Variants in ZNF74 observed in about 807,000 individuals in gnomAD.
ZNF74 encodes the protein zinc finger protein 74.
In ZNF74, 12 loss-of-function variants were observed where a neutral mutation model predicts 17.7. That is an observed-to-expected ratio of 0.68 (90% confidence interval 0.43 to 1.10). The LOEUF is 1.10. Ranked by LOEUF, ZNF74 falls within the 50% of genes least tolerant of loss-of-function variation. The pLI is 0.00. For missense variants in ZNF74, 811 were observed against 881.0 expected (o/e 0.92, Z 1.01); for synonymous variants, 358 against 362.1 (o/e 0.99, Z 0.13).
chr22:20,401,027 T>C lies in ZNF74; in HGVS notation c.248-250T>C. On this transcript the variant is annotated intron_variant, in intron 3 of 4. Coordinates refer to ENST00000400451, the MANE Select transcript of ZNF74 (RefSeq NM_003426.4). The surrounding 1 kb of genome is among the most constrained non-coding windows in gnomAD (Gnocchi z 4.2). ...GAGAGAAGAGAAGAAGGTGGGACCC[T>C]GGAGCCCAGCTGGCTCTGGAACAGT... 1 of 594,064 alleles carries C rather than the reference T, an allele frequency of 1.7e-6. No individual in the cohort carries two copies. The highest frequency in any genetic ancestry group is 3.0e-6 in the Non-Finnish European group (1 of 335,396). The allele number at this position is 594,064 out of a possible 1,614,324, so 36.8% of individuals were successfully genotyped here.
At chr22:20,400,882 C>CACAGGCCTTGCTT in intron 3 of ZNF74, 124 bp downstream of exon 3, 1 of 1,266,964 alleles carries the variant, frequency 7.9e-7, no homozygotes, top group Non-Finnish European at 1.1e-6. Context: ...GGAAGCAAGG[C>CACAGGCCTTGCTT]CTGTGCCTTG....
chr22:20,398,910 GATGTATT>G lies in ZNF74; in HGVS notation c.121-1721_121-1715del, dbSNP rs1569091895. ...CAAAATAGCTTCTAATTTCCCTAGT[GATGTATT>G]CTTCAGCCATATGTTATTTCAGAAT... On this transcript the variant is annotated intron_variant, in intron 2 of 4. Transcript: ENST00000400451. Among the ~76,000 whole-genome samples the G allele has an allele frequency of 1.8e-3, 266 of 151,942 alleles. 1 individual carries two copies. The highest frequency in any genetic ancestry group is 6.1e-3 in the African/African-American group (254 of 41,408).
chr22:20,404,671 A>T (rs2146099944), intron 4 of ZNF74, among the ~76,000 whole-genome samples: 1 of 152,252 alleles, frequency 6.6e-6, no homozygotes, highest in Non-Finnish European at 1.5e-5. Flanking sequence ...CGACTCTTGG[A>T]CTAGGCTCAT....
intron 4 of ZNF74, 82 bp from the exon 5 acceptor site, chr22:20,405,295 G>A: frequency 7.0e-7 from 1 of 1,429,012 alleles, no homozygotes; most frequent in Non-Finnish European, 9.5e-7. Flanking sequence ...GGGCTTATCT[G>A]CATCTCCAGG....
At position 20,394,600 on chromosome 22, in the gene ZNF74, C is replaced by T. The variant is rs374393810; in HGVS notation, c.-29C>T. Reference sequence around the variant, plus strand: ...ATCCTGGAGGCTACACAGCTGCCCACTCCTCCTGGGGAGGCTGCCGTGGAG... The same window carrying T: ...ATCCTGGAGGCTACACAGCTGCCCATTCCTCCTGGGGAGGCTGCCGTGGAG... On this transcript the variant is annotated 5_prime_UTR_variant, in exon 1 of 5. Transcript: ENST00000400451. 3.3e-5 allele frequency: 54 copies of T among 1,613,752 alleles called. No homozygotes were observed. Among genetic ancestry groups the T allele is most frequent in the Middle Eastern group, 1.6e-4 (1 of 6,082 alleles).
chr22:20,406,886 C>T lies in ZNF74; in HGVS notation c.1853C>T (p.Ala618Val), dbSNP rs756807123. The change falls in exon 5 of 5, where the codon GCG (alanine) becomes GTG (valine). Residue 618 changes from alanine (A) to valine (V), a missense_variant. Physicochemically the swap from Ala to Val is moderately conservative, Grantham distance 64. Transcript: ENST00000400451. ...AGLRDVDPIDALDVAKLLCVV... is the reference protein window; with the variant it reads ...AGLRDVDPIDVLDVAKLLCVV... ...CTGAGGGACGTGGATCCCATCGACG[C>T]GCTGGATGTGGCAAAGCTCTTGTGC... 9 of 1,613,924 alleles carry T rather than the reference C, an allele frequency of 5.6e-6. No individual in the cohort carries two copies. Among genetic ancestry groups the T allele is most frequent in the African/African-American group, 2.7e-5 (2 of 74,914 alleles).
chr22:20,403,398 C>A (rs1041336814), intron 4 of ZNF74, among the ~76,000 whole-genome samples: 4 of 151,788 alleles, frequency 2.6e-5, no homozygotes, highest in African/African-American at 9.7e-5. Flanking sequence ...TCCTCTCCCC[C>A]ATTTCCTCTC....
intron 2 of ZNF74, among the ~76,000 whole-genome samples, chr22:20,398,800 A>G (rs1208449357): frequency 7.3e-6 from 1 of 136,430 alleles, no homozygotes; most frequent in East Asian, 2.3e-4. Flanking sequence ...TTCCTCATAT[A>G]GCATTCAGCG....
Position 20,401,018 on chromosome 22 carries a change from G to T in ZNF74, c.248-259G>T. 4 of 596,134 alleles carry T rather than the reference G, an allele frequency of 6.7e-6. No homozygotes were observed. Among genetic ancestry groups the T allele is most frequent in the South Asian group, 4.1e-5 (2 of 48,512 alleles). 36.9% of individuals were successfully genotyped at this position (596,134 alleles called of 1,614,324 possible). On this transcript the variant is annotated intron_variant, in intron 3 of 4. Coordinates refer to ENST00000400451, the MANE Select transcript of ZNF74 (RefSeq NM_003426.4). This position sits in a 1 kb window ranked among gnomAD's most constrained non-coding sequence, Gnocchi z 4.2. The stretch of plus-strand genomic sequence containing the variant: ...AGGGGCAGGGAGAGAAGAGAAGAAG[G>T]TGGGACCCTGGAGCCCAGCTGGCTC...
At chr22:20,395,071 C>G (rs1370691751) in intron 1 of ZNF74, 5 of 460,814 alleles carry the variant, frequency 1.1e-5, no homozygotes, top group Non-Finnish European at 1.9e-5. Context: ...CTTTCTTCCC[C>G]GCGCCCAATC....
In ZNF74 at chr22:20,404,060, C is replaced by G. The variant is rs568669865; in HGVS notation, c.344-1317C>G. On this transcript the variant is annotated intron_variant, in intron 4 of 4. Coordinates refer to ENST00000400451, the MANE Select transcript of ZNF74 (RefSeq NM_003426.4). ...CTTCTGCATGTGTTGGGGCCACAGG[C>G]AGCACCACCATGCAGCTCTGCCCGC... 1.6e-3 allele frequency among the ~76,000 whole-genome samples: 239 copies of G among 152,346 alleles called. 2 individuals carry two copies. Among genetic ancestry groups the G allele is most frequent in the African/African-American group, 5.6e-3 (231 of 41,586 alleles).
rs1035041685 is a variant in ZNF74 at position 20,395,494 on chromosome 22, T to G, written c.120+76T>G. 3.4e-6 allele frequency: 4 copies of G among 1,165,122 alleles called. No homozygotes were observed. The African/African-American group carries it at 6.1e-5, about 18-fold the overall frequency. 72.2% of individuals were successfully genotyped at this position (1,165,122 alleles called of 1,614,324 possible). A position where few individuals can be genotyped will look rare whatever the true frequency, so the allele number is the denominator to read the frequency against. ...CTCCCCAGCCCTGGATCGTCAGCCT[T>G]CCACAGACCTTCACCCGGGTACCTG... is the stretch of plus-strand genomic sequence containing the variant. On this transcript the variant is annotated intron_variant, in intron 2 of 4. Transcript: ENST00000400451.
At position 20,406,703 on chromosome 22, in the gene ZNF74, A is replaced by G. The variant is rs2052434934; in HGVS notation, c.1670A>G (p.Lys557Arg). 6.2e-7 allele frequency: 1 copy of G among 1,614,088 alleles called. No homozygotes were observed. Among genetic ancestry groups the G allele is most frequent in the Non-Finnish European group, 8.5e-7 (1 of 1,180,046 alleles). ...ATCCACTCCGGGGAGAAGTCGTTTA[A>G]GTGTGAGAAATGTGGGGAGATGTTC... ...QKIHSGEKSF[K>R]CEKCGEMFNW... The change falls in exon 5 of 5, where the codon AAG becomes AGG. Residue 557 changes from lysine to arginine, a missense_variant. Coordinates refer to ENST00000400451, the MANE Select transcript of ZNF74 (RefSeq NM_003426.4).
rs752659692 is a variant in ZNF74, at chr22:20,405,881, A to G, written c.848A>G (p.Lys283Arg). The G allele has an allele frequency of 6.2e-7, 1 of 1,613,824 alleles. No individual in the cohort carries two copies. Among genetic ancestry groups the G allele is most frequent in the Non-Finnish European group, 8.5e-7 (1 of 1,179,926 alleles). Residue 283 changes from lysine (K) to arginine (R), a missense_variant, in exon 5 of 5, where the codon AAG (lysine) becomes AGG (arginine). Physicochemically the swap from Lys to Arg is conservative, Grantham distance 26 (BLOSUM62 2). This residue lies in a region of ZNF74 where 666 missense variants were observed against 702.3 expected (regional missense o/e 0.95). Coordinates refer to ENST00000400451, the MANE Select transcript of ZNF74 (RefSeq NM_003426.4). ...GCTTACAAGTGCGATGAATGCGGCA[A>G]GGCCTTCACCTGGAGCACCAACCTT... ...EKAYKCDECGKAFTWSTNLLE... is the reference protein window; with the variant it reads ...EKAYKCDECGRAFTWSTNLLE...
At chr22:20,400,090 G>A (rs1001896663) in intron 2 of ZNF74, 3 of 160,460 alleles carry the variant, frequency 1.9e-5, no homozygotes, top group African/African-American at 7.2e-5. Flanking sequence ...TTGGAAGGCA[G>A]TCAGGTGAGG....
chr22:20,402,176 C>T (rs1026629615), intron 4 of ZNF74, among the ~76,000 whole-genome samples: 1 of 152,160 alleles, frequency 6.6e-6, no homozygotes, highest in African/African-American at 2.4e-5. Flanking sequence ...CTGTGGAGCA[C>T]AGAACACGGG....
chr22:20,407,039 G>C lies in ZNF74; in HGVS notation c.*71G>C. The C allele has an allele frequency of 1.3e-6, 2 of 1,500,928 alleles. No homozygotes were observed. Among genetic ancestry groups the C allele is most frequent in the South Asian group, 1.3e-5 (1 of 74,206 alleles). 93.0% of individuals were successfully genotyped at this position (1,500,928 alleles called of 1,614,324 possible). A position where few individuals can be genotyped will look rare whatever the true frequency, so the allele number is the denominator to read the frequency against. ...AAGGAAAGCACCCTGGTCCTCCCTG[G>C]CTCCTAGATCCAGACCACCTTCCTC... is the stretch of plus-strand genomic sequence containing the variant. On this transcript the variant is annotated 3_prime_UTR_variant, in exon 5 of 5. Coordinates refer to ENST00000400451, the MANE Select transcript of ZNF74 (RefSeq NM_003426.4).
chr22:20,396,950 G>C (rs943564437), intron 2 of ZNF74, among the ~76,000 whole-genome samples: 1 of 152,162 alleles, frequency 6.6e-6, no homozygotes, highest in South Asian at 2.1e-4. Context: ...AGGCCTGTGC[G>C]GGCCTCAGAC....
At chr22:20,398,425 C>G (rs1023836278) in intron 2 of ZNF74, among the ~76,000 whole-genome samples, 2 of 151,694 alleles carry the variant, frequency 1.3e-5, no homozygotes, top group Non-Finnish European at 2.9e-5. Flanking sequence ...TTGGATGGAG[C>G]AAACTGCTCC....
Sources: allele counts gnomAD v4.1 joint callset (sites outside exome capture counted in the v4.1 genomes callset), GRCh38; gene constraint gnomAD v4.1.1; regional missense constraint gnomAD v4.1.1; non-coding constraint Gnocchi (gnomAD v3.1); transcripts MANE v1.5; gene names NCBI Gene and HGNC (gene_info 2026-07-23, HGNC 2026-07-21).